Variants in ERGIC3 observed in about 807,000 individuals in gnomAD.
ERGIC3 encodes ERGIC and golgi 3.
ERGIC3 carries 33 observed loss-of-function variants against 54.7 expected under a neutral mutation model. The observed-to-expected ratio is 0.60, with a 90% confidence interval of 0.46 to 0.81. The LOEUF (loss-of-function observed/expected upper bound fraction) is 0.81. Among genes scored for constraint, ERGIC3 ranks in the 30% least tolerant of loss-of-function variants. The pLI is 0.00. For missense variants in ERGIC3, 399 were observed against 488.4 expected, an observed-to-expected ratio of 0.82 and a Z score of 1.73; for synonymous variants, 186 against 189.8, an observed-to-expected ratio of 0.98 and a Z score of 0.16.
chr20:35,555,494 A>C (rs970208481), intron 8 of ERGIC3, among the ~76,000 whole-genome samples: 10 of 152,188 alleles, frequency 6.6e-5, no homozygotes, highest in Non-Finnish European at 2.9e-5. Context: ...CGACATAATC[A>C]GATTTGCATT....
At chr20:35,549,921 G>A (rs541669488) in intron 7 of ERGIC3, 1 of 152,440 alleles carries the variant, frequency 6.6e-6, no homozygotes, top group African/African-American at 2.4e-5. Context: ...ACAGGCATGA[G>A]CCACCGCACC....
intron 12 of ERGIC3, 40 bp downstream of exon 12, chr20:35,557,289 G>C (rs115747345): frequency 6.2e-7 from 1 of 1,613,808 alleles, no homozygotes; most frequent in East Asian, 2.2e-5. Context: ...GGGGTGGGGA[G>C]GGTAAAGCCT....
At chr20:35,553,020 A>ACTTTTTTTTTT (rs2064689668) in intron 7 of ERGIC3, among the ~76,000 whole-genome samples, 1 of 41,552 alleles carries the variant, frequency 2.4e-5, no homozygotes, top group African/African-American at 8.3e-5. Flanking sequence ...AAAGCTGGGG[A>ACTTTTTTTTTT]TTTTTTTTTT....
rs746123705 is a variant in ERGIC3, at chr20:35,556,098, C to T, written c.783C>T (p.Pro261=). The change falls in exon 9 of 13, where the codon CCC becomes CCT. Residue 261 remains proline (P), a synonymous_variant. Transcript: ENST00000348547. The stretch of plus-strand genomic sequence containing the variant: ...AGGACTATCCAGGCATTGTGAACCC[C>T]CTGGACCACACCAATGTCACTGCGC... The part of the protein sequence containing the change: ...FGEDYPGIVN[P]LDHTNVTAPQ... 1 of 1,614,194 alleles carries T rather than the reference C, an allele frequency of 6.2e-7. No homozygotes were observed. Among genetic ancestry groups the T allele is most frequent in the Non-Finnish European group, 8.5e-7 (1 of 1,180,038 alleles).
intron 5 of ERGIC3, among the ~76,000 whole-genome samples, 155 bp downstream of exon 5, chr20:35,547,660 G>A (rs1014161504): frequency 6.6e-6 from 1 of 152,204 alleles, no homozygotes; most frequent in Admixed American, 6.5e-5. Flanking sequence ...GCAAGCGACT[G>A]AGGCTTTGTA....
intron 4 of ERGIC3, chr20:35,544,517 C>T (rs374619418): frequency 7.2e-6 from 2 of 277,260 alleles, no homozygotes; most frequent in East Asian, 1.1e-4. Flanking sequence ...TGTGCGTCCC[C>T]ACTCTTTTCT....
chr20:35,553,683 G>A (rs2064695165), intron 7 of ERGIC3, among the ~76,000 whole-genome samples: 1 of 152,178 alleles, frequency 6.6e-6, no homozygotes, highest in Non-Finnish European at 1.5e-5. Context: ...TGTGGGGGCT[G>A]GAGGACCCTG....
At chr20:35,547,130 A>G (rs1601361993) in intron 4 of ERGIC3, 1 of 300,854 alleles carries the variant, frequency 3.3e-6, no homozygotes, top group South Asian at 4.4e-5. Flanking sequence ...CCACCCTCAA[A>G]GAGTCATTGT....
intron 5 of ERGIC3, 120 bp downstream of exon 5, chr20:35,547,625 A>G: frequency 1.2e-6 from 1 of 817,402 alleles, no homozygotes; most frequent in East Asian, 2.7e-5. Flanking sequence ...TGGGCGGGGT[A>G]TGTGCCTCTG....
intron 4 of ERGIC3, among the ~76,000 whole-genome samples, chr20:35,545,683 G>A (rs1207670340): frequency 2.0e-5 from 3 of 152,196 alleles, no homozygotes; most frequent in African/African-American, 7.2e-5. Flanking sequence ...CATTGTGGGA[G>A]AGGACTACAT....
rs1204357011 is a variant in ERGIC3 at position 35,543,061 on chromosome 20, CAAG to C, written c.367+121_367+123del. The C allele has an allele frequency of 4.1e-6, 6 of 1,480,424 alleles. No individual in the cohort carries two copies. In the African/African-American group the frequency reaches 5.5e-5, roughly 14 times the overall value. 91.7% of individuals were successfully genotyped at this position (1,480,424 alleles called of 1,614,324 possible). The stretch of plus-strand genomic sequence containing the variant: ...TTAAACAACTAAGAGCTAGAGAAGT[CAAG>C]TGACTTGCCTAGGGTCCCCCAGCTA... On this transcript the variant is annotated intron_variant, in intron 4 of 12. Coordinates refer to ENST00000348547, the MANE Select transcript of ERGIC3 (RefSeq NM_015966.3).
chr20:35,556,905 G>A (rs769511767), intron 10 of ERGIC3, 68 bp from the exon 11 acceptor site: 1 of 1,604,628 alleles, frequency 6.2e-7, no homozygotes, highest in South Asian at 1.1e-5. Flanking sequence ...AGGAGCAGGG[G>A]TGGGGCTGAT....
intron 7 of ERGIC3, 105 bp downstream of exon 7, chr20:35,548,970 T>G (rs2064667311): frequency 7.1e-7 from 1 of 1,404,164 alleles, no homozygotes; most frequent in African/African-American, 1.4e-5. Context: ...GGCAACCATT[T>G]GGCCAGAGCA....
chr20:35,557,364 C>T, intron 12 of ERGIC3, 61 bp from the exon 13 acceptor site: 2 of 1,607,794 alleles, frequency 1.2e-6, no homozygotes, highest in South Asian at 1.1e-5. Flanking sequence ...AGTGACAAGG[C>T]TCTCAGCGTC....
intron 7 of ERGIC3, chr20:35,549,374 G>A: frequency 2.6e-6 from 1 of 381,172 alleles, no homozygotes. Context: ...GATGATAATA[G>A]TACCCACTCA....
rs187103039 is a variant in ERGIC3 at position 35,547,514 on chromosome 20, G to A, written c.461+9G>A. On this transcript the variant is annotated intron_variant, in intron 5 of 12. Coordinates refer to ENST00000348547, the MANE Select transcript of ERGIC3 (RefSeq NM_015966.3). ...GAGGCAGAAGATATCAAGTGAGCTG[G>A]CGGGGAGCGGGAGCAGGGTTCCCAT... 43 of 1,608,902 alleles carry A rather than the reference G, an allele frequency of 2.7e-5. No homozygotes were observed. The highest frequency in any genetic ancestry group is 3.7e-5 in the Non-Finnish European group (43 of 1,176,064).
intron 4 of ERGIC3, among the ~76,000 whole-genome samples, chr20:35,545,925 C>G (rs1183847671): frequency 1.3e-5 from 2 of 152,104 alleles, no homozygotes; most frequent in Non-Finnish European, 2.9e-5. Flanking sequence ...CTAAGAAAAC[C>G]TGGGGAGTCA....
intron 8 of ERGIC3, among the ~76,000 whole-genome samples, chr20:35,555,492 T>A (rs1431291291): frequency 6.6e-6 from 1 of 152,062 alleles, no homozygotes; most frequent in Non-Finnish European, 1.5e-5. Flanking sequence ...CACGACATAA[T>A]CAGATTTGCA....
chr20:35,545,243 A>C (rs1180254421), intron 4 of ERGIC3: 2 of 152,280 alleles, frequency 1.3e-5, no homozygotes, highest in East Asian at 3.9e-4. Context: ...CTTGCAAGTG[A>C]GCTGAGAGAA....
Sources: gnomAD v4.1 joint callset for allele counts (sites outside exome capture counted in the v4.1 genomes callset) on GRCh38, gnomAD v4.1.1 for gene constraint, MANE v1.5 for transcripts, NCBI Gene and HGNC (gene_info 2026-07-23, HGNC 2026-07-21) for gene names.